The following ACOT11 variants were observed in gnomAD, a reference collection of about 807,000 sequenced individuals.
The protein encoded by ACOT11 is acyl-CoA thioesterase 11, also known as acyl-coenzyme A thioesterase 11.
Under a neutral mutation model 77.5 loss-of-function variants are expected in ACOT11, and 69 were observed. That is an observed-to-expected ratio of 0.89 (90% CI 0.73 to 1.09). ACOT11 has a LOEUF of 1.09. Among genes scored for constraint, ACOT11 ranks in the 50% least tolerant of loss-of-function variants. ACOT11 has a pLI of 0.00. For missense variants in ACOT11, 766 were observed against 813.7 expected (o/e 0.94, Z 0.71); for synonymous variants, 279 against 313.0 (o/e 0.89, Z 1.15).
chr1:54,617,414 G>A (rs1368052383), intron 15 of ACOT11, among the ~76,000 whole-genome samples: 10 of 150,534 alleles, frequency 6.6e-5, no homozygotes, highest in Non-Finnish European at 1.3e-4. Context: ...CTATAGAGCC[G>A]GCAAAGTGAG....
In ACOT11 at chr1:54,594,628, C is replaced by T. The variant is rs1429892270; in HGVS notation, c.544C>T (p.Arg182Cys). 3.1e-6 allele frequency: 5 copies of T among 1,614,014 alleles called. No homozygotes were observed. Among genetic ancestry groups the T allele is most frequent in the Non-Finnish European group, 3.4e-6 (4 of 1,180,014 alleles). Residue 182 changes from arginine (R) to cysteine (C), a missense_variant, in exon 6 of 16, where the codon CGC becomes TGC. Physicochemically the swap from Arg to Cys is radical, Grantham distance 180. Transcript: ENST00000343744. ...GCACAGTGTGGCGGCTGAGCGCCGG[C>T]GCATGCGCCTTGTCTATGCAGACAC... ...MEHSVAAERR[R>C]MRLVYADTIK...
intron 1 of ACOT11, chr1:54,548,548 C>G: frequency 3.0e-6 from 2 of 659,126 alleles, no homozygotes; most frequent in South Asian, 3.9e-5. Flanking sequence ...CAGGGGCTGT[C>G]AGATCCCCCA....
At chr1:54,562,816 G>A (rs1260124262) in intron 1 of ACOT11, among the ~76,000 whole-genome samples, 3 of 104,376 alleles carry the variant, frequency 2.9e-5, no homozygotes, top group African/African-American at 1.2e-4. Context: ...ATGGGCGGCC[G>A]GGCAGAGACG....
chr1:54,605,644 G>A lies in ACOT11; in HGVS notation c.1370+435G>A, dbSNP rs1644016252. Among the ~76,000 whole-genome samples the A allele has an allele frequency of 2.0e-5, 3 of 152,070 alleles. No individual in the cohort carries two copies. The South Asian group carries it at 6.2e-4, about 32-fold the overall frequency. On this transcript the variant is annotated intron_variant, in intron 13 of 15. Transcript: ENST00000343744. ...GAGTTGGAAGGATGAAGGGTGATCG[G>A]GACATAGCATGGCCAGTTTGTTGAA...
rs144671434 is a variant in ACOT11, at chr1:54,607,565, C to T, written c.1502+300C>T. 5.4e-4 allele frequency among the ~76,000 whole-genome samples: 82 copies of T among 152,286 alleles called. No homozygotes were observed. The highest frequency in any genetic ancestry group is 1.8e-3 in the African/African-American group (75 of 41,568). ...CAGGATATTTCTCACGTGGCCACCT[C>T]CTTGGCCTCCTCCCTCTGACAGCCC... On this transcript the variant is annotated intron_variant, in intron 14 of 15. Transcript: ENST00000343744. The surrounding 1 kb of genome is among the most constrained non-coding windows in gnomAD (Gnocchi z 4.5).
At chr1:54,610,401 G>C (rs757146308), downstream of ACOT11, 34 of 1,612,204 alleles carry the variant, frequency 2.1e-5, no homozygotes, top group Non-Finnish European at 2.3e-5. Flanking sequence ...GGGCTGAAGG[G>C]TAGACCTTAC....
At position 54,602,099 on chromosome 1, in the gene ACOT11, G is replaced by A. The variant is rs41297129; in HGVS notation, c.1030-570G>A. ...GGAGCTGGGGGTCACAGCCATAGCC[G>A]CTTCCCAGGCATTTTCCTTGTACTT... is the stretch of plus-strand genomic sequence containing the variant. On this transcript the variant is annotated intron_variant, in intron 9 of 15. Transcript: ENST00000343744. Among the ~76,000 whole-genome samples, 1,171 of 152,322 alleles carry A rather than the reference G, an allele frequency of 7.7e-3. 11 individuals carry two copies. The highest frequency in any genetic ancestry group is 0.011 in the Non-Finnish European group (779 of 68,014).
rs549869739 is a variant in ACOT11, at chr1:54,562,475, G to A, written c.33+14133G>A. Reference sequence around the variant, plus strand: ...CCCCCACCTCCCTCCCGGACGGCACGGCTGGCCAGGCGGGGGGCTGACCCC... The same window carrying A: ...CCCCCACCTCCCTCCCGGACGGCACAGCTGGCCAGGCGGGGGGCTGACCCC... On this transcript the variant is annotated intron_variant, in intron 1 of 15. Transcript: ENST00000343744. Among the ~76,000 whole-genome samples, 222 of 82,678 alleles carry A rather than the reference G, an allele frequency of 2.7e-3. 5 individuals carry two copies. The highest frequency in any genetic ancestry group is 0.013 in the African/African-American group (201 of 15,842). 54.2% of individuals were successfully genotyped at this position (82,678 alleles called of 152,430 possible).
Position 54,616,768 on chromosome 1 carries a change from C to T in ACOT11, c.1629+8700C>T, listed in dbSNP as rs994853867. Among the ~76,000 whole-genome samples the T allele has an allele frequency of 2.6e-5, 4 of 152,058 alleles. No homozygotes were observed. In the South Asian group the frequency reaches 6.2e-4, roughly 24 times the overall value. ...CACATTTCCACGATCTTTTTTTATG[C>T]ATCTCTTTAGAGCAAACAAGGCAAA... On this transcript the variant is annotated intron_variant, in intron 15 of 16. Transcript: ENST00000371316.
rs752235009 is a variant in ACOT11, at chr1:54,607,962, T to C, written c.1523T>C (p.Leu508Pro). 12 of 1,613,642 alleles carry C rather than the reference T, an allele frequency of 7.4e-6. No individual in the cohort carries two copies. The East Asian group carries it at 2.5e-4, about 33-fold the overall frequency. Reference sequence around the variant, plus strand: ...CTCAGGGACCCCTATGTCATCGCGCTGAGGTCGGTCACGCTGCCCACACAC... The same window carrying C: ...CTCAGGGACCCCTATGTCATCGCGCCGAGGTCGGTCACGCTGCCCACACAC... Reference protein sequence around the residue: ...CDNGDPYVIALRSVTLPTHRE... With the variant: ...CDNGDPYVIAPRSVTLPTHRE... The change falls in exon 15 of 16, where the codon CTG becomes CCG. Residue 508 changes from leucine to proline, a missense_variant. Leu to Pro is a moderately conservative substitution (Grantham distance 98, BLOSUM62 -3). Transcript: ENST00000343744. This position sits in a 1 kb window ranked among gnomAD's most constrained non-coding sequence, Gnocchi z 4.5.
At position 54,609,459 on chromosome 1, in the gene ACOT11, C is replaced by T. The variant is rs1385887178; in HGVS notation, c.*347C>T. 1 of 1,613,600 alleles carries T rather than the reference C, an allele frequency of 6.2e-7. No individual in the cohort carries two copies. The highest frequency in any genetic ancestry group is 8.5e-7 in the Non-Finnish European group (1 of 1,180,024). On this transcript the variant is annotated 3_prime_UTR_variant, in exon 16 of 16. Coordinates refer to ENST00000343744, the MANE Select transcript of ACOT11 (RefSeq NM_147161.4). ...GATGCCAGCAGCCTGCCTATGGCTC[C>T]AGCTGTGCTGTGGCCCAGCAGCATG...
chr1:54,608,691 G>A (rs935475606), intron 15 of ACOT11, among the ~76,000 whole-genome samples: 2 of 152,168 alleles, frequency 1.3e-5, no homozygotes, highest in African/African-American at 2.4e-5. Flanking sequence ...TCTGGCTGGC[G>A]GGGAAGATGC....
intron 9 of ACOT11, among the ~76,000 whole-genome samples, chr1:54,602,386 C>G (rs1250807430): frequency 1.3e-5 from 2 of 152,156 alleles, no homozygotes; most frequent in Admixed American, 1.3e-4. Flanking sequence ...TGTGGACTCT[C>G]ATTACCATTG....
chr1:54,634,799 A>C, exon 17 of ACOT11: 2 of 691,348 alleles, frequency 2.9e-6, no homozygotes, highest in Non-Finnish European at 5.3e-6. Context: ...GGTTGCAGCC[A>C]CGTAGAGACT....
At chr1:54,579,365 C>A (rs1283710738) in intron 1 of ACOT11, among the ~76,000 whole-genome samples, 1 of 152,162 alleles carries the variant, frequency 6.6e-6, no homozygotes, top group East Asian at 1.9e-4. Context: ...TCCTAGTGCA[C>A]GTGCATCCTG....
intron 16 of ACOT11, chr1:54,634,647 A>G (rs995348172): frequency 2.9e-6 from 2 of 697,232 alleles, no homozygotes; most frequent in Non-Finnish European, 5.2e-6. Flanking sequence ...AAATAGGTAA[A>G]ATAATAATTT....
intron 6 of ACOT11, among the ~76,000 whole-genome samples, chr1:54,595,517 G>A (rs1049767080): frequency 3.9e-5 from 6 of 152,092 alleles, no homozygotes; most frequent in East Asian, 1.9e-4. Context: ...AATCCAGGTC[G>A]TCTCCCCAGA....
rs776918747 is a variant in ACOT11, at chr1:54,597,420, G to A, written c.764+5G>A. The A allele has an allele frequency of 8.7e-6, 14 of 1,606,014 alleles. No homozygotes were observed. The highest frequency in any genetic ancestry group is 1.1e-5 in the Non-Finnish European group (13 of 1,175,130). ...TGTGGCCACCATTGCAGCCAGGTGA[G>A]GGCAGGGTGTGCTGCCTCTGCCTCC... On this transcript the variant is annotated splice_donor_5th_base_variant and intron_variant, in intron 7 of 15. Coordinates refer to ENST00000343744, the MANE Select transcript of ACOT11 (RefSeq NM_147161.4).
chr1:54,576,303 G>C (rs910845683), intron 1 of ACOT11, among the ~76,000 whole-genome samples: 3 of 152,048 alleles, frequency 2.0e-5, no homozygotes, highest in Non-Finnish European at 4.4e-5. Flanking sequence ...GGCTGAGGTG[G>C]GCAGATGGCT....
Sources: allele counts gnomAD v4.1 joint callset (sites outside exome capture counted in the v4.1 genomes callset), GRCh38; gene constraint gnomAD v4.1.1; non-coding constraint Gnocchi (gnomAD v3.1); transcripts MANE v1.5; gene names NCBI Gene and HGNC (gene_info 2026-07-23, HGNC 2026-07-21).